Variants in SP100 observed in about 807,000 individuals in gnomAD.
SP100 encodes nuclear autoantigen Sp-100.
SP100 carries 84 observed loss-of-function variants against 130.0 expected under a neutral mutation model. The observed-to-expected ratio is 0.65, with a 90% CI of 0.54 to 0.77. The LOEUF (loss-of-function observed/expected upper bound fraction) is 0.77. Among genes scored for constraint, SP100 ranks in the 30% least tolerant of loss-of-function variants. The pLI is 0.00. For missense variants in SP100, 978 were observed against 1,052.2 expected, an observed-to-expected ratio of 0.93 and a Z score of 0.97; for synonymous variants, 331 against 351.7, an observed-to-expected ratio of 0.94 and a Z score of 0.66.
chr2:230,482,228 T>C (rs1482888833), intron 17 of SP100, among the ~76,000 whole-genome samples: 1 of 152,232 alleles, frequency 6.6e-6, no homozygotes, highest in Non-Finnish European at 1.5e-5. Flanking sequence ...CCAAGATATT[T>C]TAATACTTTT....
chr2:230,541,413 T>C, intron 27 of SP100, 41 bp downstream of exon 27: 1 of 1,527,558 alleles, frequency 6.5e-7, no homozygotes, highest in Non-Finnish European at 9.1e-7. Flanking sequence ...CTGGCATTTG[T>C]CAAATCTGTG....
At chr2:230,436,742 G>A (rs1293399925) in intron 2 of SP100, among the ~76,000 whole-genome samples, 1 of 151,978 alleles carries the variant, frequency 6.6e-6, no homozygotes, top group African/African-American at 2.4e-5. Flanking sequence ...TAGGTCTATA[G>A]GTTTCCTACA....
At chr2:230,521,827 A>G (rs72985795) in intron 24 of SP100, among the ~76,000 whole-genome samples, 3,563 of 152,292 alleles carry the variant, frequency 0.023, 64 homozygotes, top group South Asian at 0.054. Context: ...GGCCCAAACC[A>G]CATTCCTGAT....
At chr2:230,494,027 G>A (rs1201948796) in intron 17 of SP100, 2 of 181,778 alleles carry the variant, frequency 1.1e-5, no homozygotes, top group Non-Finnish European at 2.3e-5. Context: ...CAAAGAGCTG[G>A]GATTCCAGGC....
At chr2:230,478,852 G>A (rs1326011237) in intron 17 of SP100, among the ~76,000 whole-genome samples, 1 of 151,988 alleles carries the variant, frequency 6.6e-6, no homozygotes, top group East Asian at 1.9e-4. Flanking sequence ...ATGGAGTCCA[G>A]CTCTGTCACC....
intron 23 of SP100, chr2:230,509,335 C>T (rs959841533): frequency 6.6e-6 from 1 of 152,150 alleles, no homozygotes; most frequent in Admixed American, 6.5e-5. Context: ...TCTGCCATAC[C>T]AGGAAGTCAC....
chr2:230,470,947 T>C (rs2065234342), intron 15 of SP100, among the ~76,000 whole-genome samples: 1 of 88,140 alleles, frequency 1.1e-5, no homozygotes, highest in Non-Finnish European at 3.4e-5. Flanking sequence ...ATAACATGTA[T>C]ACATACATAA....
chr2:230,515,051 G>T (rs1575790003), intron 24 of SP100: 1 of 1,606,414 alleles, frequency 6.2e-7, no homozygotes, highest in Non-Finnish European at 8.5e-7. Context: ...AAGAAGCTGA[G>T]AGGTGAAATG....
chr2:230,526,058 T>G (rs1222768667), intron 24 of SP100, among the ~76,000 whole-genome samples: 1 of 152,184 alleles, frequency 6.6e-6, no homozygotes, highest in Non-Finnish European at 1.5e-5. Flanking sequence ...GCAGTGGTTC[T>G]CTCAGCAAGG....
intron 17 of SP100, among the ~76,000 whole-genome samples, chr2:230,490,593 C>G (rs1023596324): frequency 6.6e-6 from 1 of 152,082 alleles, no homozygotes; most frequent in Non-Finnish European, 1.5e-5. Flanking sequence ...TGTCACTGGT[C>G]TTTATTTTTT....
In SP100 at chr2:230,416,495, T is replaced by G. The variant is rs78526686; in HGVS notation, c.32+167T>G. 9.2e-3 allele frequency among the ~76,000 whole-genome samples: 1,398 copies of G among 152,294 alleles called. 22 individuals carry two copies. The highest frequency in any genetic ancestry group is 0.032 in the African/African-American group (1,344 of 41,546). On this transcript the variant is annotated intron_variant, in intron 1 of 28. Coordinates refer to ENST00000340126, the MANE Select transcript of SP100 (RefSeq NM_001080391.2). ...AAGACAAGTAATGAGGAAATCAGAT[T>G]TTTTAAACAGGAGCAGGACAGCTGT...
intron 24 of SP100, among the ~76,000 whole-genome samples, chr2:230,520,183 C>G (rs116592924): frequency 6.6e-6 from 1 of 152,120 alleles, no homozygotes; most frequent in Non-Finnish European, 1.5e-5. Flanking sequence ...GCCAGCTGAG[C>G]GAAAAGTTAA....
chr2:230,427,768 A>G (rs999532287), intron 2 of SP100, among the ~76,000 whole-genome samples: 9 of 152,194 alleles, frequency 5.9e-5, no homozygotes, highest in Non-Finnish European at 1.0e-4. Flanking sequence ...AATATTTTAT[A>G]GCTATACCAT....
At position 230,444,249 on chromosome 2, in the gene SP100, G is replaced by A; in HGVS notation, c.342G>A (p.Glu114=). The A allele has an allele frequency of 6.2e-7, 1 of 1,612,858 alleles. No homozygotes were observed. The highest frequency in any genetic ancestry group is 8.5e-7 in the Non-Finnish European group (1 of 1,178,856). ...TGTACAATGTTCTTAGTGAACTGGA[G>A]AAGACATTTAACCTGCCAGTTCTGG... ...RVVYNVLSEL[E]KTFNLPVLEA... The change falls in exon 4 of 29, where the codon GAG becomes GAA. Residue 114 remains glutamate, a synonymous_variant. Coordinates refer to ENST00000340126, the MANE Select transcript of SP100 (RefSeq NM_001080391.2).
rs1178803109 is a variant in SP100 at position 230,418,762 on chromosome 2, T to G, written c.107+1097T>G. Reference sequence around the variant, plus strand: ...CGCAGTGCTACCCTTTTTGGGAGTATAGAGGCAGGGTGTGCTTCTGTGTTC... The same window carrying G: ...CGCAGTGCTACCCTTTTTGGGAGTAGAGAGGCAGGGTGTGCTTCTGTGTTC... On this transcript the variant is annotated intron_variant, in intron 2 of 28. Coordinates refer to ENST00000340126, the MANE Select transcript of SP100 (RefSeq NM_001080391.2). Among the ~76,000 whole-genome samples the G allele has an allele frequency of 1.3e-5, 2 of 152,168 alleles. 1 individual carries two copies. Among genetic ancestry groups the G allele is most frequent in the South Asian group, 4.1e-4 (2 of 4,828 alleles).
intron 2 of SP100, among the ~76,000 whole-genome samples, chr2:230,428,568 G>A (rs184709178): frequency 4.6e-5 from 7 of 152,002 alleles, no homozygotes; most frequent in East Asian, 1.9e-4. Flanking sequence ...TCAGCCTCCC[G>A]AGTAGCTGGG....
At chr2:230,501,451 CTGATGGTACCAT>C (rs1365248546) in intron 19 of SP100, among the ~76,000 whole-genome samples, 1 of 152,122 alleles carries the variant, frequency 6.6e-6, no homozygotes, top group African/African-American at 2.4e-5. Context: ...CAGTAAATGT[CTGATGGTACCAT>C]TTTTATCTTG....
At chr2:230,439,780 T>C (rs2063410879) in intron 2 of SP100, among the ~76,000 whole-genome samples, 1 of 152,080 alleles carries the variant, frequency 6.6e-6, no homozygotes, top group Non-Finnish European at 1.5e-5. Flanking sequence ...TGACTCAAGT[T>C]TGACTTCCTC....
chr2:230,519,521 C>T (rs1433991326), intron 24 of SP100, among the ~76,000 whole-genome samples: 1 of 152,048 alleles, frequency 6.6e-6, no homozygotes, highest in African/African-American at 2.4e-5. Context: ...AAAATCTCTA[C>T]CTAAGAGACA....
Sources: allele counts gnomAD v4.1 joint callset (sites outside exome capture counted in the v4.1 genomes callset), GRCh38; gene constraint gnomAD v4.1.1; transcripts MANE v1.5; gene names NCBI Gene and HGNC (gene_info 2026-07-23, HGNC 2026-07-21).